SRL: variants seen among roughly 807,000 people sequenced by gnomAD.
SRL encodes the protein sarcalumenin.
SRL carries 23 observed loss-of-function variants against 39.5 expected under a neutral mutation model. The observed-to-expected ratio is 0.58, with a 90% CI of 0.42 to 0.82. The LOEUF is 0.82. Among genes scored for constraint, SRL ranks in the 40% least tolerant of loss-of-function variants. The pLI, the probability that SRL is intolerant of heterozygous loss-of-function variation, is 0.00. For missense variants in SRL, 592 were observed against 607.8 expected (o/e 0.97, Z 0.27); for synonymous variants, 272 against 237.4 (o/e 1.15, Z -1.34).
chr16:4,204,397 C>G, intron 2 of SRL, 136 bp downstream of exon 2: 1 of 766,434 alleles, frequency 1.3e-6, no homozygotes, highest in Non-Finnish European at 2.1e-6. Context: ...TCCCCTCCAG[C>G]CTCCAAGATA....
intron 1 of SRL, among the ~76,000 whole-genome samples, chr16:4,215,226 C>T (rs911059812): frequency 2.0e-5 from 3 of 152,190 alleles, no homozygotes; most frequent in African/African-American, 7.2e-5. Context: ...CCCTCTTCTC[C>T]CAACATGGGC....
chr16:4,235,233 A>G (rs1403887893), intron 1 of SRL, among the ~76,000 whole-genome samples: 1 of 152,258 alleles, frequency 6.6e-6, no homozygotes, highest in Non-Finnish European at 1.5e-5. Flanking sequence ...CTCCCAGAGC[A>G]AACTCGGGAG....
intron 3 of SRL, among the ~76,000 whole-genome samples, chr16:4,200,208 G>A (rs898924366): frequency 6.6e-6 from 1 of 152,218 alleles, no homozygotes; most frequent in Non-Finnish European, 1.5e-5. Flanking sequence ...CATCTCTGTG[G>A]AAGTCAAGCC....
intron 1 of SRL, among the ~76,000 whole-genome samples, chr16:4,228,823 C>T (rs2052627327): frequency 6.6e-6 from 1 of 152,146 alleles, no homozygotes. Flanking sequence ...AGTCTCCTCA[C>T]TCTTGTTCCC....
chr16:4,193,087 T>C, intron 5 of SRL, 123 bp from the exon 6 acceptor site: 1 of 798,876 alleles, frequency 1.3e-6, no homozygotes, highest in South Asian at 1.8e-5. Flanking sequence ...TTTTCTGGGT[T>C]TCTACAGACT....
chr16:4,203,218 C>T lies in SRL; in HGVS notation c.207G>A (p.Lys69=), dbSNP rs773825243. Residue 69 remains lysine, a synonymous_variant, in exon 3 of 6, where the codon AAG becomes AAA. Transcript: ENST00000399609. The part of the protein sequence containing the change: ...RLRKIYHSSI[K]PLEQSYKYNE... ...TGTACTTGTAGGACTGCTCCAGAGG[C>T]TTGATGGATGAGTGGTAGATCTTCC... 5.4e-5 allele frequency: 87 copies of T among 1,614,116 alleles called. No individual in the cohort carries two copies. The highest frequency in any genetic ancestry group is 6.9e-5 in the Non-Finnish European group (81 of 1,180,046).
intron 4 of SRL, among the ~76,000 whole-genome samples, chr16:4,197,260 G>T (rs754742884): frequency 9.3e-5 from 14 of 150,944 alleles, no homozygotes; most frequent in Non-Finnish European, 1.5e-4. Context: ...AGTAGAGACG[G>T]GGTTTCACCA....
Position 4,192,207 on chromosome 16 carries a change from G to A in SRL, c.1368C>T (p.Asn456=). Residue 456 remains asparagine (N), a synonymous_variant, in exon 6 of 6, where the codon AAC becomes AAT. Coordinates refer to ENST00000399609, the MANE Select transcript of SRL (RefSeq NM_001098814.2). The surrounding 1 kb of genome is among the most constrained non-coding windows in gnomAD (Gnocchi z 4.0). ...TTTCGCTACACCCTGTTTTGTCACA[G>A]TTGAGAGCACCTGGATTCTTCCCGA... ...LGLGKNPGAL[N]CDKTGCSETP... 1 of 1,597,922 alleles carries A rather than the reference G, an allele frequency of 6.3e-7. No individual in the cohort carries two copies. The highest frequency in any genetic ancestry group is 8.5e-7 in the Non-Finnish European group (1 of 1,173,348).
chr16:4,229,023 C>CACTT (rs899377799), intron 1 of SRL, among the ~76,000 whole-genome samples: 4 of 152,168 alleles, frequency 2.6e-5, no homozygotes, highest in Non-Finnish European at 4.4e-5. Flanking sequence ...TCCACACACA[C>CACTT]ACTTATGTGT....
At chr16:4,198,107 G>A (rs1477513466) in intron 3 of SRL, among the ~76,000 whole-genome samples, 192 bp from the exon 4 acceptor site, 1 of 152,172 alleles carries the variant, frequency 6.6e-6, no homozygotes, top group African/African-American at 2.4e-5. Context: ...AGACACAGAA[G>A]TCACTTTTGG....
intron 1 of SRL, among the ~76,000 whole-genome samples, chr16:4,219,482 C>G (rs998839535): frequency 5.3e-5 from 8 of 152,112 alleles, no homozygotes; most frequent in Non-Finnish European, 8.8e-5. Flanking sequence ...TTGAGACAGT[C>G]TCGCTCTATC....
At chr16:4,238,779 C>A (rs1199064398) in intron 1 of SRL, among the ~76,000 whole-genome samples, 1 of 150,878 alleles carries the variant, frequency 6.6e-6, no homozygotes, top group African/African-American at 2.5e-5. Context: ...TGCACCCCTA[C>A]ACCGAGCTAT....
chr16:4,204,299 G>A (rs905079124), intron 2 of SRL, among the ~76,000 whole-genome samples: 1 of 144,148 alleles, frequency 6.9e-6, no homozygotes, highest in East Asian at 2.1e-4. Flanking sequence ...CCTCCTCTGT[G>A]CCCACCTGGA....
At chr16:4,233,690 C>G (rs1027875262) in intron 1 of SRL, among the ~76,000 whole-genome samples, 3 of 152,138 alleles carry the variant, frequency 2.0e-5, no homozygotes, top group Admixed American at 2.0e-4. Flanking sequence ...ACAGGGCTGA[C>G]AAGGGGCTGA....
intron 1 of SRL, among the ~76,000 whole-genome samples, chr16:4,215,271 G>A (rs1441145016): frequency 6.6e-6 from 1 of 152,230 alleles, no homozygotes; most frequent in Non-Finnish European, 1.5e-5. Flanking sequence ...GCCATTCTTG[G>A]AAGGCTTCTT....
intron 1 of SRL, among the ~76,000 whole-genome samples, chr16:4,228,457 T>C (rs980106740): frequency 3.2e-4 from 48 of 149,906 alleles, no homozygotes; most frequent in Non-Finnish European, 4.6e-4. Context: ...ACAAAAAGGC[T>C]GGACGCAGTG....
intron 1 of SRL, among the ~76,000 whole-genome samples, chr16:4,227,988 G>A (rs934451579): frequency 6.6e-6 from 1 of 152,236 alleles, no homozygotes; most frequent in African/African-American, 2.4e-5. Flanking sequence ...GAAGTCATTT[G>A]GGGTGGGACA....
intron 5 of SRL, among the ~76,000 whole-genome samples, chr16:4,193,905 CTAA>C (rs923469709): frequency 6.7e-6 from 1 of 149,738 alleles, no homozygotes; most frequent in Non-Finnish European, 1.5e-5. Flanking sequence ...AATAATACTA[CTAA>C]TGTCATTATA....
At chr16:4,202,767 G>A (rs948918879) in intron 3 of SRL, among the ~76,000 whole-genome samples, 10 of 152,146 alleles carry the variant, frequency 6.6e-5, no homozygotes, top group Non-Finnish European at 1.3e-4. Flanking sequence ...AGGAGGGGAA[G>A]GAACGGAGTG....
Sources: gnomAD v4.1 joint callset for allele counts (sites outside exome capture counted in the v4.1 genomes callset) on GRCh38, gnomAD v4.1.1 for gene constraint, Gnocchi (gnomAD v3.1) non-coding constraint, MANE v1.5 for transcripts, NCBI Gene and HGNC (gene_info 2026-07-23, HGNC 2026-07-21) for gene names.